DCDC1: variants seen among roughly 807,000 people sequenced by gnomAD.
DCDC1 encodes the protein doublecortin domain-containing protein 1.
DCDC1 carries 200 observed loss-of-function variants against 178.3 expected under a neutral mutation model. The ratio of observed to expected loss-of-function variants is 1.12; its 90% CI spans 1.00 to 1.26. The LOEUF is 1.26. Ranked by LOEUF, DCDC1 falls within the 50% of genes most tolerant of loss-of-function variation. DCDC1 has a pLI of 0.00. For missense variants in DCDC1, 1,983 were observed against 1,749.2 expected (o/e 1.13, Z -2.38); for synonymous variants, 690 against 604.8 (o/e 1.14, Z -2.07).
intron 8 of DCDC1, among the ~76,000 whole-genome samples, chr11:31,260,496 T>G (rs1944709661): frequency 6.6e-6 from 1 of 152,202 alleles, no homozygotes; most frequent in Non-Finnish European, 1.5e-5. Flanking sequence ...GGGCATAATT[T>G]GGGGTGGGAA....
intron 9 of DCDC1, among the ~76,000 whole-genome samples, chr11:31,240,977 C>G (rs947341626): frequency 2.0e-5 from 3 of 151,884 alleles, no homozygotes; most frequent in Non-Finnish European, 4.4e-5. Context: ...CTGAAACAGA[C>G]AAGTTAAATA....
In DCDC1 at chr11:31,095,477, A is replaced by G. The variant is rs115271518; in HGVS notation, c.1984-1293T>C. ...TTTCCTGACTTTTTAATAATCAAACATATCTTGCTAACAGCAGATTTTAGT... is the reference window on the plus strand; with the variant it reads ...TTTCCTGACTTTTTAATAATCAAACGTATCTTGCTAACAGCAGATTTTAGT... On this transcript the variant is annotated intron_variant, in intron 15 of 38. Coordinates refer to ENST00000684477, the MANE Select transcript of DCDC1 (RefSeq NM_001387274.1). Among the ~76,000 whole-genome samples the G allele has an allele frequency of 4.0e-3, 611 of 152,290 alleles. 1 individual carries two copies. Among genetic ancestry groups the G allele is most frequent in the African/African-American group, 0.014 (597 of 41,550 alleles).
intron 9 of DCDC1, among the ~76,000 whole-genome samples, chr11:31,178,343 G>A (rs1052815089): frequency 2.0e-5 from 3 of 152,286 alleles, no homozygotes; most frequent in Middle Eastern, 3.4e-3. Flanking sequence ...TTCACATGCA[G>A]AAGAGTGAGA....
Position 31,203,360 on chromosome 11 carries a change from G to A in DCDC1, c.1221+38090C>T, listed in dbSNP as rs568344637. 6.6e-5 allele frequency among the ~76,000 whole-genome samples: 10 copies of A among 152,254 alleles called. No individual in the cohort carries two copies. In the East Asian group the frequency reaches 1.9e-3, roughly 29 times the overall value. On this transcript the variant is annotated intron_variant, in intron 9 of 38. Transcript: ENST00000684477. ...AAATATAGTATCCAGTCACCCCCTA[G>A]AACTGAGCACTTGCATTTTGACCAG...
intron 11 of DCDC1, among the ~76,000 whole-genome samples, chr11:31,111,826 G>A (rs975248546): frequency 6.6e-6 from 1 of 152,084 alleles, no homozygotes. Context: ...TTCCTTTGTC[G>A]AGACTTGCTA....
intron 11 of DCDC1, among the ~76,000 whole-genome samples, chr11:31,118,114 G>A (rs1307627326): frequency 1.3e-5 from 2 of 151,898 alleles, no homozygotes; most frequent in African/African-American, 2.4e-5. Context: ...TATTTTACTA[G>A]GAGAAATGAA....
intron 38 of DCDC1, among the ~76,000 whole-genome samples, chr11:30,878,167 A>G (rs1231107047): frequency 6.6e-6 from 1 of 152,150 alleles, no homozygotes. Flanking sequence ...CCTTCAAAAA[A>G]GATCGCTGGG....
chr11:30,918,945 A>G (rs273609), intron 25 of DCDC1, among the ~76,000 whole-genome samples: 15,230 of 152,172 alleles, frequency 0.1, 942 homozygotes, highest in Admixed American at 0.19. Flanking sequence ...GCAATCAAAA[A>G]GGATCCTTCT....
intron 34 of DCDC1, among the ~76,000 whole-genome samples, chr11:30,898,974 G>A (rs1944446151): frequency 6.6e-6 from 1 of 152,130 alleles, no homozygotes; most frequent in African/African-American, 2.4e-5. Flanking sequence ...AAGATTCTGT[G>A]TTAAAGAGAA....
In DCDC1 at chr11:31,251,422, C is replaced by T. The variant is rs1210073333; in HGVS notation, c.1055-9806G>A. 7.9e-5 allele frequency among the ~76,000 whole-genome samples: 12 copies of T among 152,120 alleles called. No individual in the cohort carries two copies. The East Asian group carries it at 2.1e-3, about 27-fold the overall frequency. On this transcript the variant is annotated intron_variant, in intron 8 of 38. Transcript: ENST00000684477. ...GACTAAGTAAAGCAGATTGGCCTCTCTAATGTTGGTGGGCCTCATTCAATC... is the reference window on the plus strand; with the variant it reads ...GACTAAGTAAAGCAGATTGGCCTCTTTAATGTTGGTGGGCCTCATTCAATC...
At chr11:30,953,006 C>A (rs2134492314) in intron 20 of DCDC1, among the ~76,000 whole-genome samples, 1 of 151,766 alleles carries the variant, frequency 6.6e-6, no homozygotes, top group African/African-American at 2.4e-5. Flanking sequence ...GTAATAGAAA[C>A]AAAATATCTG....
At chr11:31,311,060 C>T (rs576704632) in intron 3 of DCDC1, among the ~76,000 whole-genome samples, 1 of 152,302 alleles carries the variant, frequency 6.6e-6, no homozygotes, top group African/African-American at 2.4e-5. Context: ...CCCCTTTCCT[C>T]ATGGCTTCTG....
At chr11:30,948,124 T>G (rs984092426) in intron 21 of DCDC1, among the ~76,000 whole-genome samples, 4 of 152,096 alleles carry the variant, frequency 2.6e-5, no homozygotes, top group African/African-American at 7.2e-5. Flanking sequence ...CAGCCCAAAA[T>G]CTTCTTAAGC....
At chr11:31,050,867 C>A (rs1324251149) in intron 20 of DCDC1, among the ~76,000 whole-genome samples, 1 of 152,112 alleles carries the variant, frequency 6.6e-6, no homozygotes, top group Non-Finnish European at 1.5e-5. Context: ...CTGACAGAGC[C>A]TATGCAAATG....
At chr11:31,045,424 A>T (rs1954778712) in intron 20 of DCDC1, among the ~76,000 whole-genome samples, 1 of 148,148 alleles carries the variant, frequency 6.8e-6, no homozygotes, top group Non-Finnish European at 1.5e-5. Context: ...CCTTAGACTT[A>T]CTTATTTTGT....
At chr11:30,883,319 GA>G in intron 36 of DCDC1, 1 of 208,392 alleles carries the variant, frequency 4.8e-6, no homozygotes, top group Non-Finnish European at 1.0e-5. Context: ...ACAGGATACA[GA>G]AAAAGGAAAA....
At chr11:31,298,418 G>GA (rs11417428) in intron 6 of DCDC1, among the ~76,000 whole-genome samples, 37,058 of 151,916 alleles carry the variant, frequency 0.24, 4,595 homozygotes, top group East Asian at 0.3. Context: ...GCTGGGTTAG[G>GA]ATGCAGGTGG....
At position 31,331,183 on chromosome 11, in the gene DCDC1, CTT is replaced by C. The variant is rs563000788; in HGVS notation, c.-6-2899_-6-2898del. Among the ~76,000 whole-genome samples the C allele has an allele frequency of 1.7e-3, 259 of 150,834 alleles. 2 individuals are homozygous for C. Among genetic ancestry groups the C allele is most frequent in the African/African-American group, 6.0e-3 (250 of 41,368 alleles). On this transcript the variant is annotated intron_variant, in intron 2 of 38. Transcript: ENST00000684477. ...AGGGGAGTTCATTCATGATTTGGCT[CTT>C]TGTTATTGGTGTATAAAAATGCTTG...
chr11:31,036,409 T>C (rs781131340), intron 20 of DCDC1, among the ~76,000 whole-genome samples: 1 of 152,198 alleles, frequency 6.6e-6, no homozygotes, highest in South Asian at 2.1e-4. Context: ...ATAATCATCA[T>C]CAGTATCATT....
Sources: allele counts gnomAD v4.1 joint callset (sites outside exome capture counted in the v4.1 genomes callset), GRCh38; gene constraint gnomAD v4.1.1; transcripts MANE v1.5; gene names NCBI Gene and HGNC (gene_info 2026-07-23, HGNC 2026-07-21).